The following DPYD variants were observed in gnomAD, a reference collection of about 807,000 sequenced individuals.
DPYD encodes the protein dihydropyrimidine dehydrogenase, also known as dihydropyrimidine dehydrogenase [NADP(+)].
In DPYD, 109 loss-of-function variants were observed where a neutral mutation model predicts 116.2. That is an observed-to-expected ratio of 0.94 (90% CI 0.80 to 1.10). The LOEUF (loss-of-function observed/expected upper bound fraction) is 1.10, where lower values mean the gene tolerates loss of function less well. DPYD is among the 50% of genes least tolerant of loss of function. The pLI is 0.00. For synonymous variants in DPYD, 440 were observed against 432.0 expected (o/e 1.02, Z -0.23); for missense variants, 1,302 against 1,254.5 (o/e 1.04, Z -0.57).
intron 16 of DPYD, among the ~76,000 whole-genome samples, chr1:97,362,270 G>A (rs1009643527): frequency 1.3e-5 from 2 of 152,108 alleles, no homozygotes; most frequent in African/African-American, 4.8e-5. Context: ...TCTTCAAGGA[G>A]AACTACAAAC....
chr1:97,776,064 A>G (rs921612153), intron 3 of DPYD, among the ~76,000 whole-genome samples: 1 of 152,188 alleles, frequency 6.6e-6, no homozygotes, highest in Non-Finnish European at 1.5e-5. Context: ...TAATGGTTAC[A>G]AAAACATAGA....
intron 21 of DPYD, among the ~76,000 whole-genome samples, chr1:97,093,843 C>A (rs1007473353): frequency 6.6e-6 from 1 of 152,068 alleles, no homozygotes; most frequent in African/African-American, 2.4e-5. Flanking sequence ...AATTCAGCTT[C>A]ATGACACGTC....
At chr1:97,738,834 CAG>C (rs923922792) in intron 4 of DPYD, among the ~76,000 whole-genome samples, 2 of 151,814 alleles carry the variant, frequency 1.3e-5, no homozygotes, top group African/African-American at 2.4e-5. Flanking sequence ...ATTAATGAAA[CAG>C]AAAGTGGATT....
chr1:97,155,997 C>A (rs942144056), intron 20 of DPYD, among the ~76,000 whole-genome samples: 45 of 76,436 alleles, frequency 5.9e-4, no homozygotes, highest in Admixed American at 1.1e-3. Flanking sequence ...TTTTCAACAA[C>A]CTCTGGTGAT....
At chr1:97,524,427 T>G (rs1648905501) in intron 12 of DPYD, among the ~76,000 whole-genome samples, 1 of 152,164 alleles carries the variant, frequency 6.6e-6, no homozygotes, top group Non-Finnish European at 1.5e-5. Flanking sequence ...TTGTGATTAT[T>G]ATCGCCATAA....
At position 97,352,907 on chromosome 1, in the gene DPYD, T is replaced by A. The variant is rs577947165; in HGVS notation, c.2058+20654A>T. Among the ~76,000 whole-genome samples the A allele has an allele frequency of 1.1e-3, 170 of 152,020 alleles. 2 individuals carry two copies. The highest frequency in any genetic ancestry group is 5.8e-4 in the East Asian group (3 of 5,152). ...AATAAGGCGGAAAGAGAAAGAAAAG[T>A]AAGGCAAACGACGCATGACAGAAAG... is the stretch of plus-strand genomic sequence containing the variant. On this transcript the variant is annotated intron_variant, in intron 16 of 22. Coordinates refer to ENST00000370192, the MANE Select transcript of DPYD (RefSeq NM_000110.4).
intron 3 of DPYD, among the ~76,000 whole-genome samples, chr1:97,783,160 A>T (rs1666849683): frequency 6.6e-6 from 1 of 152,212 alleles, no homozygotes; most frequent in South Asian, 2.1e-4. Context: ...TCGAATGATC[A>T]TGACTATAAA....
At chr1:97,633,410 C>A (rs1657387161) in intron 8 of DPYD, among the ~76,000 whole-genome samples, 1 of 151,880 alleles carries the variant, frequency 6.6e-6, no homozygotes, top group African/African-American at 2.4e-5. Flanking sequence ...GATAAGTGGC[C>A]AAAACTGTTG....
intron 8 of DPYD, among the ~76,000 whole-genome samples, chr1:97,635,186 T>C (rs1657491691): frequency 6.6e-6 from 1 of 152,122 alleles, no homozygotes; most frequent in Admixed American, 6.5e-5. Context: ...CTGCTCTTCT[T>C]TGGCTGTACC....
chr1:97,252,762 C>T (rs1443547883), intron 18 of DPYD, among the ~76,000 whole-genome samples: 5 of 152,088 alleles, frequency 3.3e-5, no homozygotes, highest in African/African-American at 9.7e-5. Flanking sequence ...AGTATATTTG[C>T]AATCCAGTGT....
intron 2 of DPYD, among the ~76,000 whole-genome samples, chr1:97,860,021 A>G (rs1435133034): frequency 1.3e-5 from 2 of 152,104 alleles, no homozygotes; most frequent in East Asian, 3.9e-4. Flanking sequence ...GAGATACCTC[A>G]GATTTTCATA....
intron 8 of DPYD, among the ~76,000 whole-genome samples, chr1:97,599,315 T>A (rs764110425): frequency 3.9e-5 from 6 of 152,134 alleles, no homozygotes; most frequent in Non-Finnish European, 7.3e-5. Flanking sequence ...AACAGCAGTA[T>A]ATATAGTAAA....
chr1:97,135,520 C>G (rs1653718741), intron 20 of DPYD, among the ~76,000 whole-genome samples: 1 of 152,012 alleles, frequency 6.6e-6, no homozygotes, highest in African/African-American at 2.4e-5. Flanking sequence ...TAAATAATTT[C>G]TGCTGTGTCT....
intron 11 of DPYD, among the ~76,000 whole-genome samples, chr1:97,552,117 A>C (rs1423000693): frequency 2.6e-5 from 4 of 152,046 alleles, no homozygotes; most frequent in Non-Finnish European, 5.9e-5. Context: ...ACTGAAGCTT[A>C]AGTAGGGTCC....
rs1183686373 is a variant in DPYD, at chr1:97,907,711, GTTCT to G, written c.39+13169_39+13172del. Among the ~76,000 whole-genome samples the G allele has an allele frequency of 5.9e-5, 9 of 151,598 alleles. No homozygotes were observed. In the East Asian group the frequency reaches 1.2e-3, roughly 20 times the overall value. On this transcript the variant is annotated intron_variant, in intron 1 of 22. Transcript: ENST00000370192. ...GCTTCCTCCTCCCTCCCTTCCTTAC[GTTCT>G]TTGTCCTTCCTCTTTCCTTCCTTCC...
intron 16 of DPYD, among the ~76,000 whole-genome samples, chr1:97,354,545 C>T (rs1314830983): frequency 2.6e-5 from 4 of 151,930 alleles, no homozygotes; most frequent in Non-Finnish European, 5.9e-5. Context: ...CAAGGACAAA[C>T]ATATTTAGGT....
At chr1:97,499,385 C>A (rs1679450380) in intron 13 of DPYD, among the ~76,000 whole-genome samples, 1 of 151,638 alleles carries the variant, frequency 6.6e-6, no homozygotes, top group Non-Finnish European at 1.5e-5. Flanking sequence ...TGTCTGAGAA[C>A]TAGTATTTTA....
chr1:97,098,521 AAC>A lies in DPYD; in HGVS notation c.2732_2733del (p.Cys911PhefsTer26), dbSNP rs1650431372. On this transcript the variant is annotated frameshift_variant, in exon 21 of 23. Coordinates refer to ENST00000370192, the MANE Select transcript of DPYD (RefSeq NM_000110.4). LOFTEE classifies it high-confidence loss of function. ...GTAGGAATAGGCCTTTTGGGGATAA[AAC>A]AGTTTCTCTTAAGTGGTGAAAAAGC... ...NVAFSPLKRNCFIPKRPIPTI... is the reference protein window; with the variant it reads ...NVAFSPLKRNXFIPKRPIPTI... 1 of 1,613,080 alleles carries A rather than the reference AAC, an allele frequency of 6.2e-7. No individual in the cohort carries two copies. Among genetic ancestry groups the A allele is most frequent in the African/African-American group, 1.3e-5 (1 of 74,980 alleles).
chr1:97,879,665 A>T (rs755105615), intron 2 of DPYD, among the ~76,000 whole-genome samples: 7 of 151,954 alleles, frequency 4.6e-5, no homozygotes, highest in Non-Finnish European at 1.0e-4. Flanking sequence ...CTACCAAGTG[A>T]AGATATTCCT....
Sources: gnomAD v4.1 joint callset for allele counts (sites outside exome capture counted in the v4.1 genomes callset) on GRCh38, gnomAD v4.1.1 for gene constraint, MANE v1.5 for transcripts, NCBI Gene and HGNC (gene_info 2026-07-23, HGNC 2026-07-21) for gene names.